Variants in CPNE8 observed in about 807,000 individuals in gnomAD.
CPNE8 encodes the protein copine 8.
Under a neutral mutation model 81.5 loss-of-function variants are expected in CPNE8, and 45 were observed. The observed-to-expected ratio is 0.55, with a 90% CI of 0.44 to 0.71. The LOEUF is 0.71. Ranked by LOEUF, CPNE8 falls within the 30% of genes least tolerant of loss-of-function variation. The pLI is 0.00. For missense variants in CPNE8, 594 were observed against 672.1 expected (o/e 0.88, Z 1.28); for synonymous variants, 252 against 226.3 (o/e 1.11, Z -1.02).
At chr12:38,833,114 A>G (rs1166903229) in intron 5 of CPNE8, among the ~76,000 whole-genome samples, 2 of 151,980 alleles carry the variant, frequency 1.3e-5, no homozygotes, top group Non-Finnish European at 2.9e-5. Flanking sequence ...GCACTTTGGG[A>G]GGCCGAGGCG....
rs562883183 is a variant in CPNE8, at chr12:38,759,598, TA to T, written c.722+1248del. 2.6e-5 allele frequency among the ~76,000 whole-genome samples: 4 copies of T among 152,334 alleles called. No individual in the cohort carries two copies. In the South Asian group the frequency reaches 8.3e-4, roughly 32 times the overall value. The stretch of plus-strand genomic sequence containing the variant: ...AAGAGCAAACTTCAAATCAGTGTTA[TA>T]ACTCTTTTTCATAATAATGTTTGTG... On this transcript the variant is annotated intron_variant, in intron 10 of 19. Coordinates refer to ENST00000331366, the MANE Select transcript of CPNE8 (RefSeq NM_153634.3).
intron 4 of CPNE8, among the ~76,000 whole-genome samples, chr12:38,846,630 T>C (rs1177881575): frequency 1.3e-5 from 2 of 152,086 alleles, no homozygotes; most frequent in African/African-American, 4.8e-5. Flanking sequence ...TGACTCTGAT[T>C]TAGTTGAGTA....
intron 3 of CPNE8, among the ~76,000 whole-genome samples, chr12:38,854,092 G>A (rs992875783): frequency 7.2e-5 from 11 of 152,014 alleles, no homozygotes; most frequent in East Asian, 5.8e-4. Flanking sequence ...AGATGAGTAC[G>A]GGAGTACGGT....
chr12:38,687,562 A>G (rs994043304), intron 15 of CPNE8, among the ~76,000 whole-genome samples: 1 of 151,596 alleles, frequency 6.6e-6, no homozygotes, highest in African/African-American at 2.4e-5. Context: ...TTGTATTTTT[A>G]GTAAAGGCAG....
chr12:38,787,810 A>T (rs1228996842), intron 6 of CPNE8, among the ~76,000 whole-genome samples: 1 of 151,676 alleles, frequency 6.6e-6, no homozygotes, highest in East Asian at 1.9e-4. Flanking sequence ...CAGCTAACAT[A>T]AGCACCTATA....
intron 1 of CPNE8, among the ~76,000 whole-genome samples, chr12:38,901,085 G>A (rs1361004509): frequency 6.6e-6 from 1 of 152,162 alleles, no homozygotes; most frequent in Non-Finnish European, 1.5e-5. Flanking sequence ...GCTGGGCGTG[G>A]TGGTAGGCAC....
At chr12:38,658,389 A>G (rs1938873285) in intron 19 of CPNE8, among the ~76,000 whole-genome samples, 1 of 152,244 alleles carries the variant, frequency 6.6e-6, no homozygotes. Flanking sequence ...TCCAAGAAAT[A>G]TGAGACTATG....
chr12:38,723,943 G>C (rs1940634414), intron 12 of CPNE8, 110 bp from the exon 13 acceptor site: 16 of 677,592 alleles, frequency 2.4e-5, no homozygotes, highest in East Asian at 5.3e-5. Context: ...ACTCACTAAA[G>C]ATATTATTTT....
intron 4 of CPNE8, among the ~76,000 whole-genome samples, chr12:38,845,604 A>G (rs1027891739): frequency 8.8e-6 from 1 of 113,274 alleles, no homozygotes; most frequent in African/African-American, 5.0e-5. Flanking sequence ...CACAGGTATA[A>G]TATATATATA....
intron 6 of CPNE8, among the ~76,000 whole-genome samples, chr12:38,797,414 C>T (rs532823233): frequency 3.0e-4 from 45 of 152,288 alleles, no homozygotes; most frequent in Admixed American, 6.5e-4. Flanking sequence ...TCTGCAGACA[C>T]GGCTGCGGAT....
intron 6 of CPNE8, among the ~76,000 whole-genome samples, chr12:38,810,285 CTATT>C (rs780611597): frequency 6.6e-6 from 1 of 152,160 alleles, no homozygotes; most frequent in African/African-American, 2.4e-5. Flanking sequence ...AATACTATCT[CTATT>C]TATTTTCTTC....
At chr12:38,878,309 G>A (rs372858396) in intron 1 of CPNE8, among the ~76,000 whole-genome samples, 14 of 152,026 alleles carry the variant, frequency 9.2e-5, no homozygotes, top group African/African-American at 2.9e-4. Flanking sequence ...GGTCTGGATC[G>A]GGACACCTTT....
At position 38,738,121 on chromosome 12, in the gene CPNE8, A is replaced by G. The variant is rs141777247; in HGVS notation, c.723-7763T>C. ...GCTTTCTTTGGCCACCAGTCTACATACTGTTCATTATCTTCCTGACAGACT... is the reference window on the plus strand; with the variant it reads ...GCTTTCTTTGGCCACCAGTCTACATGCTGTTCATTATCTTCCTGACAGACT... On this transcript the variant is annotated intron_variant, in intron 10 of 19. Coordinates refer to ENST00000331366, the MANE Select transcript of CPNE8 (RefSeq NM_153634.3). Among the ~76,000 whole-genome samples the G allele has an allele frequency of 1.5e-3, 228 of 152,188 alleles. 1 individual carries two copies. Among genetic ancestry groups the G allele is most frequent in the Non-Finnish European group, 2.4e-3 (161 of 68,010 alleles).
chr12:38,768,953 T>A (rs1226723573), intron 7 of CPNE8, among the ~76,000 whole-genome samples: 2 of 152,204 alleles, frequency 1.3e-5, no homozygotes, highest in Admixed American at 1.3e-4. Context: ...CCCTTATTCA[T>A]CACTTCTTTA....
intron 5 of CPNE8, among the ~76,000 whole-genome samples, chr12:38,835,453 C>T (rs866413295): frequency 2.0e-4 from 30 of 152,260 alleles, no homozygotes; most frequent in Middle Eastern, 6.8e-3. Context: ...TATTCATGTT[C>T]ATTGAGTAAA....
intron 18 of CPNE8, among the ~76,000 whole-genome samples, chr12:38,674,291 G>T (rs1213470631): frequency 1.3e-5 from 2 of 152,100 alleles, no homozygotes; most frequent in African/African-American, 2.4e-5. Flanking sequence ...CAAAGAAAAA[G>T]AACTGATTGA....
intron 3 of CPNE8, among the ~76,000 whole-genome samples, chr12:38,857,689 G>C (rs1411062682): frequency 3.3e-5 from 5 of 152,156 alleles, no homozygotes; most frequent in African/African-American, 4.8e-5. Context: ...AGGGTGGGTG[G>C]ATCACGAGGT....
At chr12:38,725,008 G>T in intron 11 of CPNE8, 109 bp from the exon 12 acceptor site, 1 of 964,726 alleles carries the variant, frequency 1.0e-6, no homozygotes. Context: ...TCTTATGCAT[G>T]TATTCATTTA....
rs542558282 is a variant in CPNE8 at position 38,803,730 on chromosome 12, C to T, written c.407+25649G>A. On this transcript the variant is annotated intron_variant, in intron 6 of 19. Transcript: ENST00000331366. ...AAGGAAGTCAAATTGTCCCTGTTTG[C>T]AGACGACATGATTGTTTATCTAGAA... is the stretch of plus-strand genomic sequence containing the variant. Among the ~76,000 whole-genome samples the T allele has an allele frequency of 1.8e-3, 261 of 149,044 alleles. 2 individuals carry two copies. The highest frequency in any genetic ancestry group is 0.014 in the Middle Eastern group (4 of 292).
Sources: gnomAD v4.1 joint callset for allele counts (sites outside exome capture counted in the v4.1 genomes callset) on GRCh38, gnomAD v4.1.1 for gene constraint, MANE v1.5 for transcripts, NCBI Gene and HGNC (gene_info 2026-07-23, HGNC 2026-07-21) for gene names.